The following SLC8A3 variants were observed in gnomAD, a reference collection of about 807,000 sequenced individuals.
SLC8A3 encodes the protein sodium/calcium exchanger 3.
Under a neutral mutation model 65.4 loss-of-function variants are expected in SLC8A3, and 37 were observed. The observed-to-expected ratio is 0.57, with a 90% CI of 0.44 to 0.74. The LOEUF is 0.74. Among genes scored for constraint, SLC8A3 ranks in the 30% least tolerant of loss-of-function variants. The probability of loss-of-function intolerance (pLI) is 0.00; values close to 1 mark genes in which losing one functional copy is unlikely to be tolerated. For synonymous variants in SLC8A3, 461 were observed against 444.5 expected (o/e 1.04, Z -0.47); for missense variants, 1,112 against 1,172.1 (o/e 0.95, Z 0.75).
chr14:70,144,328 TTTTAA>T (rs1319470571), intron 2 of SLC8A3, among the ~76,000 whole-genome samples: 49 of 132,598 alleles, frequency 3.7e-4, no homozygotes, highest in African/African-American at 1.4e-3. Flanking sequence ...TTTTTTTTTT[TTTTAA>T]AAAAAAAAAA....
At chr14:70,060,762 T>C (rs1456260360) in intron 3 of SLC8A3, 74 bp downstream of exon 3, 3 of 875,568 alleles carry the variant, frequency 3.4e-6, no homozygotes, top group Non-Finnish European at 5.8e-6. Context: ...TTTTTCTTTT[T>C]TGTTGTTGTT....
At chr14:70,174,883 C>A (rs530826085) in intron 1 of SLC8A3, among the ~76,000 whole-genome samples, 1 of 152,104 alleles carries the variant, frequency 6.6e-6, no homozygotes, top group Non-Finnish European at 1.5e-5. Flanking sequence ...GGTGGCTCTA[C>A]GGATGCCTCA....
chr14:70,172,504 C>T (rs553857015), intron 1 of SLC8A3, among the ~76,000 whole-genome samples: 2 of 152,278 alleles, frequency 1.3e-5, no homozygotes, highest in South Asian at 4.1e-4. Flanking sequence ...CTGTCCCACA[C>T]CTGCTCAGAG....
intron 2 of SLC8A3, among the ~76,000 whole-genome samples, chr14:70,126,547 TTCTCTC>T (rs36183214): frequency 5.2e-3 from 616 of 118,114 alleles, no homozygotes; most frequent in Non-Finnish European, 6.7e-3. Context: ...AGAAAGAAAA[TTCTCTC>T]TCTCTCTCTC....
At chr14:70,130,220 T>C (rs1894730072) in intron 2 of SLC8A3, among the ~76,000 whole-genome samples, 1 of 152,272 alleles carries the variant, frequency 6.6e-6, no homozygotes, top group Admixed American at 6.5e-5. Context: ...AGCCCGCCTA[T>C]GCATGCATTT....
intron 2 of SLC8A3, among the ~76,000 whole-genome samples, chr14:70,065,263 G>T (rs1490629107): frequency 6.6e-6 from 1 of 152,146 alleles, no homozygotes; most frequent in Non-Finnish European, 1.5e-5. Flanking sequence ...TACAGAGCCT[G>T]CAGTGTCCAT....
Position 70,088,460 on chromosome 14 carries a change from C to T in SLC8A3, c.1785-27521G>A, listed in dbSNP as rs762866387. ...TCTCAGGTAACGGCTCCTTCCCCATCAGGCTATCAATGCTTCTCCTGCTGC... is the reference window on the plus strand; with the variant it reads ...TCTCAGGTAACGGCTCCTTCCCCATTAGGCTATCAATGCTTCTCCTGCTGC... On this transcript the variant is annotated intron_variant, in intron 2 of 6. Transcript: ENST00000356921. Among the ~76,000 whole-genome samples, 29 of 152,296 alleles carry T rather than the reference C, an allele frequency of 1.9e-4. No individual in the cohort carries two copies. The Middle Eastern group carries it at 0.017, about 89-fold the overall frequency.
At chr14:70,137,465 CAT>C (rs1042668601) in intron 2 of SLC8A3, among the ~76,000 whole-genome samples, 65 of 152,220 alleles carry the variant, frequency 4.3e-4, no homozygotes, top group African/African-American at 1.5e-3. Context: ...ATAAGCAAGT[CAT>C]ATTTCAAAAG....
At chr14:70,093,340 A>G (rs918859246) in intron 2 of SLC8A3, among the ~76,000 whole-genome samples, 1 of 152,206 alleles carries the variant, frequency 6.6e-6, no homozygotes, top group African/African-American at 2.4e-5. Context: ...TGCGTGGTGC[A>G]CAGGGTATTT....
chr14:70,099,582 G>A (rs984228713), intron 2 of SLC8A3, among the ~76,000 whole-genome samples: 3 of 152,186 alleles, frequency 2.0e-5, no homozygotes, highest in East Asian at 1.9e-4. Context: ...TGTTGACCAC[G>A]TAAATGGTCT....
chr14:70,167,361 G>A lies in SLC8A3; in HGVS notation c.1062C>T (p.Tyr354=), dbSNP rs1897237607. The A allele has an allele frequency of 1.2e-6, 2 of 1,614,136 alleles. No homozygotes were observed. The highest frequency in any genetic ancestry group is 1.3e-5 in the African/African-American group (1 of 75,050). Residue 354 remains tyrosine (Y), a synonymous_variant, in exon 2 of 7, where the codon TAC becomes TAT. Transcript: ENST00000356921. ...LSHQQKSRAF[Y]RIQATRMMTG... Reference sequence around the variant, plus strand: ...TCATCATACGAGTGGCTTGGATACGGTAGAAGGCACGGCTCTTCTGTTGGT... The same window carrying A: ...TCATCATACGAGTGGCTTGGATACGATAGAAGGCACGGCTCTTCTGTTGGT...
chr14:70,161,189 C>T (rs1896865973), intron 2 of SLC8A3, among the ~76,000 whole-genome samples: 1 of 134,118 alleles, frequency 7.5e-6, no homozygotes, highest in African/African-American at 2.7e-5. Context: ...ACTCGGGAGG[C>T]TGAGGCAGGA....
At chr14:70,136,755 T>A (rs1895226598) in intron 2 of SLC8A3, among the ~76,000 whole-genome samples, 1 of 152,238 alleles carries the variant, frequency 6.6e-6, no homozygotes, top group African/African-American at 2.4e-5. Flanking sequence ...GCTGTTTTCT[T>A]ACCTTGCTCT....
chr14:70,129,202 A>G (rs1894670528), intron 2 of SLC8A3, among the ~76,000 whole-genome samples: 1 of 152,230 alleles, frequency 6.6e-6, no homozygotes, highest in African/African-American at 2.4e-5. Context: ...AAGAGAGTGT[A>G]ACAGCATGAG....
intron 1 of SLC8A3, among the ~76,000 whole-genome samples, chr14:70,181,496 G>A (rs1043547164): frequency 6.7e-6 from 1 of 149,852 alleles, no homozygotes; most frequent in African/African-American, 2.5e-5. Context: ...ATTTCAGAAA[G>A]TGTAAAGGGC....
intron 2 of SLC8A3, among the ~76,000 whole-genome samples, chr14:70,143,590 C>T (rs1566808497): frequency 3.3e-5 from 5 of 152,102 alleles, no homozygotes; most frequent in Admixed American, 1.3e-4. Flanking sequence ...ATCCAACTCT[C>T]TGGAGGTAGG....
chr14:70,069,039 A>G (rs781736267), intron 2 of SLC8A3, among the ~76,000 whole-genome samples: 4 of 152,216 alleles, frequency 2.6e-5, no homozygotes, highest in Non-Finnish European at 5.9e-5. Flanking sequence ...CTTCCATTTT[A>G]AAGATGAGAA....
chr14:70,182,292 C>T (rs866007487), intron 1 of SLC8A3, among the ~76,000 whole-genome samples: 5 of 152,092 alleles, frequency 3.3e-5, no homozygotes, highest in South Asian at 2.1e-4. Context: ...ACTGTGCACA[C>T]GGCTGGAAAC....
At chr14:70,055,764 G>T in intron 3 of SLC8A3, 1 of 1,593,686 alleles carries the variant, frequency 6.3e-7, no homozygotes, top group Non-Finnish European at 8.5e-7. Context: ...GCAAGAAGTG[G>T]AAAGAAAAGA....
Sources: gnomAD v4.1 joint callset for allele counts (sites outside exome capture counted in the v4.1 genomes callset) on GRCh38, gnomAD v4.1.1 for gene constraint, MANE v1.5 for transcripts, NCBI Gene and HGNC (gene_info 2026-07-23, HGNC 2026-07-21) for gene names.